Variants in TTBK1 observed in about 807,000 individuals in gnomAD.
TTBK1 encodes the protein tau-tubulin kinase 1.
Under a neutral mutation model 108.5 loss-of-function variants are expected in TTBK1, and 34 were observed. The ratio of observed to expected loss-of-function variants is 0.31; its 90% CI spans 0.24 to 0.42. The LOEUF is 0.42. Among genes scored for constraint, TTBK1 ranks in the 10% least tolerant of loss-of-function variants. TTBK1 has a pLI of 1.00. For synonymous variants in TTBK1, 809 were observed against 795.1 expected (o/e 1.02, Z -0.29); for missense variants, 1,539 against 1,826.0 (o/e 0.84, Z 2.86).
intron 13 of TTBK1, among the ~76,000 whole-genome samples, chr6:43,267,700 T>C (rs1309135845): frequency 6.6e-6 from 1 of 151,958 alleles, no homozygotes; most frequent in African/African-American, 2.4e-5. Context: ...AAATTAGGAG[T>C]TGCGGGAAAA....
chr6:43,277,752 G>A (rs1778044828), intron 13 of TTBK1, among the ~76,000 whole-genome samples: 1 of 152,252 alleles, frequency 6.6e-6, no homozygotes, highest in Non-Finnish European at 1.5e-5. Flanking sequence ...GGCACAGACA[G>A]ACAAATGCAA....
At chr6:43,255,670 G>A (rs2150688113) in intron 8 of TTBK1, 26 bp downstream of exon 8, 2 of 1,614,158 alleles carry the variant, frequency 1.2e-6, no homozygotes, top group Non-Finnish European at 1.7e-6. Context: ...CTGGGTCTGA[G>A]GTGGCAGAAG....
intron 2 of TTBK1, among the ~76,000 whole-genome samples, chr6:43,247,752 G>C (rs1270687034): frequency 1.3e-5 from 2 of 152,178 alleles, no homozygotes; most frequent in Admixed American, 6.5e-5. Context: ...CCCGGGTGCA[G>C]GCGGGTCTCC....
intron 1 of TTBK1, among the ~76,000 whole-genome samples, chr6:43,244,951 G>C (rs1474194708): frequency 6.6e-6 from 1 of 152,164 alleles, no homozygotes; most frequent in Non-Finnish European, 1.5e-5. Context: ...CACTTTGGCA[G>C]AAAGAGGGAA....
intron 2 of TTBK1, among the ~76,000 whole-genome samples, chr6:43,249,242 C>A (rs1469814594): frequency 6.6e-6 from 1 of 152,062 alleles, no homozygotes; most frequent in East Asian, 1.9e-4. Flanking sequence ...CCCAGGTCAC[C>A]CAGAGCTGGC....
At chr6:43,258,086 G>A (rs2150690302) in intron 10 of TTBK1, 120 bp downstream of exon 10, 2 of 1,195,288 alleles carry the variant, frequency 1.7e-6, no homozygotes, top group East Asian at 2.7e-5. Context: ...CCTATCCTTA[G>A]TGGAGTTCTG....
At chr6:43,252,969 T>C in intron 3 of TTBK1, 83 bp downstream of exon 3, 1 of 1,520,752 alleles carries the variant, frequency 6.6e-7, no homozygotes, top group Non-Finnish European at 9.0e-7. Context: ...GAAGCTGGGG[T>C]GAGGGAGGAG....
chr6:43,244,769 C>G (rs1777044454), intron 1 of TTBK1, among the ~76,000 whole-genome samples: 1 of 152,172 alleles, frequency 6.6e-6, no homozygotes, highest in Non-Finnish European at 1.5e-5. Context: ...GGAAAGCCCA[C>G]CAGAGTTCAC....
intron 13 of TTBK1, among the ~76,000 whole-genome samples, chr6:43,268,632 G>A (rs569619423): frequency 7.2e-5 from 11 of 152,288 alleles, no homozygotes; most frequent in Admixed American, 1.3e-4. Flanking sequence ...CACCCTGGGC[G>A]CCATTTCTAC....
chr6:43,272,158 G>T, intron 13 of TTBK1: 1 of 985,398 alleles, frequency 1.0e-6, no homozygotes, highest in Non-Finnish European at 1.2e-6. Context: ...AAGGGAACCT[G>T]CCCACCATCT....
At chr6:43,268,152 G>A (rs1777732202) in intron 13 of TTBK1, among the ~76,000 whole-genome samples, 1 of 152,226 alleles carries the variant, frequency 6.6e-6, no homozygotes, top group Non-Finnish European at 1.5e-5. Context: ...AGAGCCCTCT[G>A]GGATTCAATG....
chr6:43,277,762 A>G (rs2651190), intron 13 of TTBK1, among the ~76,000 whole-genome samples: 73,700 of 152,072 alleles, frequency 0.48, 20,894 homozygotes, highest in African/African-American at 0.8. Context: ...GACAAATGCA[A>G]GTGAAGGGTC....
At chr6:43,258,112 C>G in intron 10 of TTBK1, 146 bp downstream of exon 10, 1 of 929,030 alleles carries the variant, frequency 1.1e-6, no homozygotes. Context: ...TTGGGAAACT[C>G]TGCCACATCT....
rs1777491365 is a variant in TTBK1 at position 43,259,857 on chromosome 6, T to C, written c.1424+151T>C. The C allele has an allele frequency of 3.8e-6, 3 of 788,442 alleles. No individual in the cohort carries two copies. Among genetic ancestry groups the C allele is most frequent in the African/African-American group, 1.8e-5 (1 of 55,818 alleles). 48.8% of individuals were successfully genotyped at this position (788,442 alleles called of 1,614,324 possible). ...ACTTGGGCCTGGGGTCAGACTCAGT[T>C]GGGGCCAGAGACAGGGCCTGGGAGA... On this transcript the variant is annotated intron_variant, in intron 12 of 14. Coordinates refer to ENST00000259750, the MANE Select transcript of TTBK1 (RefSeq NM_032538.3). The surrounding 1 kb of genome is among the most constrained non-coding windows in gnomAD (Gnocchi z 6.7).
chr6:43,252,990 G>A, intron 3 of TTBK1, 104 bp downstream of exon 3: 1 of 1,418,262 alleles, frequency 7.1e-7, no homozygotes, highest in Non-Finnish European at 9.7e-7. Flanking sequence ...ATGTCGTGTG[G>A]TAGAGGGAAA....
In TTBK1 at chr6:43,284,072, C is replaced by T. The variant is rs1213131072; in HGVS notation, c.3332C>T (p.Ser1111Phe). The T allele has an allele frequency of 1.9e-6, 3 of 1,539,098 alleles. No homozygotes were observed. The Admixed American group carries it at 5.9e-5, about 30-fold the overall frequency. ...LLLRLASGAS[S>F]SSSEEQRRAS... ...TTGCGGCTGGCCTCAGGGGCCTCGT[C>T]CTCCTCCAGTGAGGAGCAGCGCCGT... Residue 1111 changes from serine to phenylalanine, a missense_variant, in exon 14 of 15, where the codon TCC (serine) becomes TTC (phenylalanine). Ser to Phe is a radical substitution (Grantham distance 155). Around this residue, in one of 5 missense-constraint regions of TTBK1, gnomAD observed 1,055 missense variants for 1,086.5 expected, o/e 0.97. Coordinates refer to ENST00000259750, the MANE Select transcript of TTBK1 (RefSeq NM_032538.3).
At chr6:43,254,706 C>T in intron 6 of TTBK1, 55 bp downstream of exon 6, 3 of 1,461,936 alleles carry the variant, frequency 2.1e-6, no homozygotes, top group African/African-American at 2.8e-5. Flanking sequence ...ACTCCCAGAT[C>T]TGGGGACCCT....
In TTBK1 at chr6:43,252,638, AC is replaced by A. The variant is rs1280257425; in HGVS notation, c.109-95del. 1.9e-5 allele frequency: 25 copies of A among 1,350,134 alleles called. No individual in the cohort carries two copies. The East Asian group carries it at 4.9e-4, about 26-fold the overall frequency. 83.6% of individuals were successfully genotyped at this position (1,350,134 alleles called of 1,614,324 possible). A position where few individuals can be genotyped will look rare whatever the true frequency, so the allele number is the denominator to read the frequency against. ...CTCCATCTCAAAAAAAAAAAAAGAT[AC>A]CCCCCTTCCCCACCAATGAAGGATG... On this transcript the variant is annotated intron_variant, in intron 2 of 14. Coordinates refer to ENST00000259750, the MANE Select transcript of TTBK1 (RefSeq NM_032538.3).
At chr6:43,270,009 G>A in intron 13 of TTBK1, 2 of 1,427,970 alleles carry the variant, frequency 1.4e-6, no homozygotes, top group Non-Finnish European at 1.8e-6. Flanking sequence ...GCAGGCAGAG[G>A]ACCATGGTTC....
Sources: gnomAD v4.1 joint callset for allele counts (sites outside exome capture counted in the v4.1 genomes callset) on GRCh38, gnomAD v4.1.1 for gene constraint, gnomAD v4.1.1 regional missense constraint, Gnocchi (gnomAD v3.1) non-coding constraint, MANE v1.5 for transcripts, NCBI Gene and HGNC (gene_info 2026-07-23, HGNC 2026-07-21) for gene names.